The following MED12L variants were observed in gnomAD, a reference collection of about 807,000 sequenced individuals.
MED12L encodes mediator complex subunit 12L.
MED12L carries 60 observed loss-of-function variants against 281.3 expected under a neutral mutation model. That is an observed-to-expected ratio of 0.21 (90% CI 0.17 to 0.26). MED12L has a LOEUF of 0.26. Ranked by LOEUF, MED12L falls within the 10% of genes least tolerant of loss-of-function variation. The pLI, the probability that MED12L is intolerant of heterozygous loss-of-function variation, is 1.00. For missense variants in MED12L, 2,146 were observed against 2,680.9 expected (o/e 0.80, Z 4.41); for synonymous variants, 974 against 987.2 (o/e 0.99, Z 0.25).
intron 16 of MED12L, among the ~76,000 whole-genome samples, chr3:151,318,349 T>G (rs1444694850): frequency 2.9e-5 from 3 of 102,364 alleles, no homozygotes; most frequent in African/African-American, 1.2e-4. Flanking sequence ...AGCCAGTTTC[T>G]TTTCTTTTCT....
intron 5 of MED12L, among the ~76,000 whole-genome samples, chr3:151,137,260 A>G (rs982700855): frequency 6.6e-5 from 10 of 152,268 alleles, no homozygotes; most frequent in African/African-American, 2.4e-4. Context: ...TTTACAACCA[A>G]GTACACTTCT....
At chr3:151,348,567 T>C (rs1353427541) in intron 16 of MED12L, among the ~76,000 whole-genome samples, 1 of 150,778 alleles carries the variant, frequency 6.6e-6, no homozygotes, top group Non-Finnish European at 1.5e-5. Flanking sequence ...AACTCGCTCC[T>C]AGCTTCTTTT....
chr3:151,304,727 C>G (rs1746413790), intron 16 of MED12L, among the ~76,000 whole-genome samples: 1 of 152,072 alleles, frequency 6.6e-6, no homozygotes, highest in Non-Finnish European at 1.5e-5. Flanking sequence ...AGCTTCTAAC[C>G]CTCCATTTCT....
chr3:151,331,057 T>G (rs1750295902), intron 16 of MED12L, among the ~76,000 whole-genome samples: 1 of 152,226 alleles, frequency 6.6e-6, no homozygotes, highest in Non-Finnish European at 1.5e-5. Flanking sequence ...TGGAAATCAC[T>G]TCTTGGTCAA....
intron 16 of MED12L, chr3:151,328,985 G>A: frequency 1.2e-6 from 2 of 1,603,908 alleles, no homozygotes; most frequent in Non-Finnish European, 8.5e-7. Flanking sequence ...CATCACTGTG[G>A]TGTTCATTGC....
chr3:151,091,053 A>AAAC (rs934022460), intron 2 of MED12L, among the ~76,000 whole-genome samples: 2 of 152,154 alleles, frequency 1.3e-5, no homozygotes, highest in East Asian at 3.9e-4. Context: ...AAACAAAACA[A>AAAC]AACAACAACA....
At chr3:151,144,855 A>G (rs1020681131) in intron 5 of MED12L, among the ~76,000 whole-genome samples, 12 of 151,948 alleles carry the variant, frequency 7.9e-5, no homozygotes, top group African/African-American at 2.9e-4. Flanking sequence ...CCCCCGACAT[A>G]CCTGCATCAT....
At chr3:151,170,437 G>A (rs113897794) in intron 11 of MED12L, among the ~76,000 whole-genome samples, 8,434 of 151,732 alleles carry the variant, frequency 0.056, 656 homozygotes, top group African/African-American at 0.17. Context: ...CACCATGCCC[G>A]GCTAATTTTT....
intron 39 of MED12L, among the ~76,000 whole-genome samples, chr3:151,395,552 T>C (rs1410546345): frequency 6.6e-6 from 1 of 152,218 alleles, no homozygotes; most frequent in Non-Finnish European, 1.5e-5. Flanking sequence ...AAGTGTGAGG[T>C]GAGAATGGGG....
chr3:151,145,568 A>AGT (rs1717651658), intron 5 of MED12L, among the ~76,000 whole-genome samples: 1 of 152,224 alleles, frequency 6.6e-6, no homozygotes, highest in Non-Finnish European at 1.5e-5. Flanking sequence ...GAGTTGCCTC[A>AGT]GTGTCAGTAT....
At position 151,114,397 on chromosome 3, in the gene MED12L, A is replaced by G. The variant is rs1712407112; in HGVS notation, c.100-1941A>G. On this transcript the variant is annotated intron_variant, in intron 2 of 44. Coordinates refer to ENST00000687756, the MANE Select transcript of MED12L (RefSeq NM_001393769.1). Reference sequence around the variant, plus strand: ...ACATAATTAAGTAAAGTTACATGGCATGTCTCCAGGAGACCTCTTTCTCAG... The same window carrying G: ...ACATAATTAAGTAAAGTTACATGGCGTGTCTCCAGGAGACCTCTTTCTCAG... Among the ~76,000 whole-genome samples, 3 of 152,358 alleles carry G rather than the reference A, an allele frequency of 2.0e-5. No homozygotes were observed. The East Asian group carries it at 5.8e-4, about 29-fold the overall frequency.
At chr3:151,389,034 C>T (rs1005786027) in intron 37 of MED12L, among the ~76,000 whole-genome samples, 1 of 152,216 alleles carries the variant, frequency 6.6e-6, no homozygotes, top group Non-Finnish European at 1.5e-5. Context: ...CTTTTCCTAG[C>T]TGATAGCTTG....
intron 5 of MED12L, among the ~76,000 whole-genome samples, chr3:151,130,418 C>G (rs1715209594): frequency 2.0e-5 from 3 of 152,224 alleles, no homozygotes; most frequent in Admixed American, 2.0e-4. Flanking sequence ...TGCTGTTACT[C>G]TGGCCAAACC....
intron 3 of MED12L, among the ~76,000 whole-genome samples, chr3:151,120,485 C>T (rs755170349): frequency 3.0e-4 from 45 of 152,086 alleles, no homozygotes; most frequent in Admixed American, 2.4e-3. Flanking sequence ...CTGTAAATGT[C>T]CATTAATGGT....
At chr3:151,419,615 C>T (rs1483467571) in intron 43 of MED12L, among the ~76,000 whole-genome samples, 1 of 152,200 alleles carries the variant, frequency 6.6e-6, no homozygotes, top group Non-Finnish European at 1.5e-5. Flanking sequence ...AGTTGACACT[C>T]AGTATTAACC....
At chr3:151,192,690 AATTAACCCGTTCCC>A in intron 15 of MED12L, 36 bp downstream of exon 15, 2 of 1,307,518 alleles carry the variant, frequency 1.5e-6, no homozygotes, top group South Asian at 2.5e-5. Flanking sequence ...GACAATTAAG[AATTAACCCGTTCCC>A]ATCCCAGCCT....
At chr3:151,100,242 C>T (rs1721231593) in intron 2 of MED12L, among the ~76,000 whole-genome samples, 1 of 152,142 alleles carries the variant, frequency 6.6e-6, no homozygotes, top group Admixed American at 6.6e-5. Context: ...TGGAATGTGC[C>T]AAGATTTCCC....
At chr3:151,376,758 A>G (rs1290106010) in intron 28 of MED12L, 42 bp from the exon 29 acceptor site, 2 of 1,510,280 alleles carry the variant, frequency 1.3e-6, no homozygotes, top group South Asian at 1.1e-5. Context: ...ATTTTAACAC[A>G]TTTGATACCC....
chr3:151,375,493 T>G (rs1387813411), intron 27 of MED12L, among the ~76,000 whole-genome samples: 1 of 152,154 alleles, frequency 6.6e-6, no homozygotes, highest in African/African-American at 2.4e-5. Flanking sequence ...GCAATTGCAC[T>G]TCTATGAAAT....
Sources: allele counts gnomAD v4.1 joint callset (sites outside exome capture counted in the v4.1 genomes callset), GRCh38; gene constraint gnomAD v4.1.1; transcripts MANE v1.5; gene names NCBI Gene and HGNC (gene_info 2026-07-23, HGNC 2026-07-21).